Variants in HDAC2 observed in about 807,000 individuals in gnomAD.
HDAC2 encodes YY1-associated factor 1.
Under a neutral mutation model 68.5 loss-of-function variants are expected in HDAC2, and 5 were observed. The ratio of observed to expected loss-of-function variants is 0.07; its 90% confidence interval spans 0.04 to 0.15. HDAC2 has a LOEUF of 0.15. HDAC2 is among the 10% of genes least tolerant of loss of function. The pLI is 1.00. For synonymous variants in HDAC2, 182 were observed against 191.3 expected (o/e 0.95, Z 0.40); for missense variants, 291 against 600.8 (o/e 0.48, Z 5.39).
chr6:113,962,863 C>T (rs1776720563), intron 1 of HDAC2, among the ~76,000 whole-genome samples: 1 of 149,798 alleles, frequency 6.7e-6, no homozygotes, highest in African/African-American at 2.5e-5. Flanking sequence ...GCTCAGGAGG[C>T]TGAGGCAGGA....
At chr6:113,950,492 A>G (rs1236114393) in intron 6 of HDAC2, among the ~76,000 whole-genome samples, 1 of 151,792 alleles carries the variant, frequency 6.6e-6, no homozygotes, top group Non-Finnish European at 1.5e-5. Flanking sequence ...TCCTAGGTTC[A>G]AACAATTCTC....
In HDAC2 at chr6:113,940,877, A is replaced by G. The variant is rs1182896574; in HGVS notation, c.*181T>C. The G allele has an allele frequency of 8.3e-6, 4 of 480,284 alleles. No individual in the cohort carries two copies. Among genetic ancestry groups the G allele is most frequent in the Non-Finnish European group, 1.5e-5 (4 of 273,462 alleles). 29.8% of individuals were successfully genotyped at this position (480,284 alleles called of 1,614,324 possible). A position where few individuals can be genotyped will look rare whatever the true frequency, so the allele number is the denominator to read the frequency against. ...TGGTGGAGAAAAGAAATTTTGCTTCATAATTAGAAAAACTCACAATAAAAC... is the reference window on the plus strand; with the variant it reads ...TGGTGGAGAAAAGAAATTTTGCTTCGTAATTAGAAAAACTCACAATAAAAC... On this transcript the variant is annotated 3_prime_UTR_variant, in exon 14 of 14. Transcript: ENST00000519065.
At chr6:113,941,376 C>T (rs559268421) in intron 13 of HDAC2, among the ~76,000 whole-genome samples, 14 of 152,104 alleles carry the variant, frequency 9.2e-5, no homozygotes, top group African/African-American at 3.4e-4. Flanking sequence ...CTTAAATTTA[C>T]CTATCTCACA....
chr6:113,959,377 T>C (rs1776627491), intron 2 of HDAC2, among the ~76,000 whole-genome samples: 1 of 152,080 alleles, frequency 6.6e-6, no homozygotes, highest in South Asian at 2.1e-4. Flanking sequence ...CTAATTGTCG[T>C]GTCTGTATTT....
intron 8 of HDAC2, chr6:113,947,981 C>A (rs1776302759): frequency 6.6e-6 from 1 of 152,250 alleles, no homozygotes; most frequent in African/African-American, 2.4e-5. Context: ...AAAAAAACCT[C>A]TAAAATCATA....
chr6:113,954,448 T>TA (rs1310168991), intron 5 of HDAC2, among the ~76,000 whole-genome samples: 2 of 152,174 alleles, frequency 1.3e-5, no homozygotes, highest in African/African-American at 4.8e-5. Flanking sequence ...GCTCACGTGT[T>TA]AGATAAGCAA....
chr6:113,946,641 A>AAG (rs1776269788), intron 8 of HDAC2: 1 of 152,122 alleles, frequency 6.6e-6, no homozygotes, highest in African/African-American at 2.4e-5. Flanking sequence ...TTCCTAACTT[A>AAG]AGAGTTAAAA....
Position 113,934,442 on chromosome 6 carries a change from A to C in HDAC2, c.*6616T>G, listed in dbSNP as rs1476549876. On this transcript the variant is annotated 3_prime_UTR_variant, in exon 14 of 14. Coordinates refer to ENST00000519065, the MANE Select transcript of HDAC2 (RefSeq NM_001527.4). ...GGCTGGTGCTAGACCCATATATGTG[A>C]TTTCCAGTGCATTGTTCTTTACTTG... 4 of 152,202 alleles carry C rather than the reference A, an allele frequency of 2.6e-5. No individual in the cohort carries two copies. The highest frequency in any genetic ancestry group is 2.6e-4 in the Admixed American group (4 of 15,282). 9.4% of individuals were successfully genotyped at this position (152,202 alleles called of 1,614,324 possible). A position where few individuals can be genotyped will look rare whatever the true frequency, so the allele number is the denominator to read the frequency against.
rs768349620 is a variant in HDAC2 at position 113,958,712 on chromosome 6, T to C, written c.220A>G (p.Ile74Val). The C allele has an allele frequency of 1.9e-6, 3 of 1,610,342 alleles. No homozygotes were observed. The highest frequency in any genetic ancestry group is 2.5e-6 in the Non-Finnish European group (3 of 1,177,432). ...EMTKYHSDEY[I>V]KFLRSIRPDN... Reference sequence around the variant, plus strand: ...GGTCTTATTGACCGTAGAAATTTGATATACTCATCACTGTGATATTTTGTC... The same window carrying C: ...GGTCTTATTGACCGTAGAAATTTGACATACTCATCACTGTGATATTTTGTC... Residue 74 changes from isoleucine to valine, a missense_variant, in exon 3 of 14, where the codon ATC becomes GTC. Ile to Val is a conservative substitution (Grantham distance 29). Around this residue, in one of 2 missense-constraint regions of HDAC2, gnomAD observed 154 missense variants for 472.1 expected, o/e 0.33. Transcript: ENST00000519065.
At chr6:113,966,030 A>G (rs941557077) in intron 1 of HDAC2, among the ~76,000 whole-genome samples, 13 of 152,190 alleles carry the variant, frequency 8.5e-5, no homozygotes, top group Non-Finnish European at 1.9e-4. Flanking sequence ...AACACTTTGA[A>G]AAGGAAAAAA....
chr6:113,950,505 G>A (rs946183739), intron 6 of HDAC2, among the ~76,000 whole-genome samples: 1 of 151,740 alleles, frequency 6.6e-6, no homozygotes, highest in Non-Finnish European at 1.5e-5. Flanking sequence ...CAATTCTCCT[G>A]TCTCGGCCTC....
chr6:113,954,261 T>C (rs1378904795), intron 5 of HDAC2, among the ~76,000 whole-genome samples: 1 of 152,222 alleles, frequency 6.6e-6, no homozygotes, highest in African/African-American at 2.4e-5. Flanking sequence ...ATTTATTATA[T>C]AATGGTGCCA....
In HDAC2 at chr6:113,938,735, T is replaced by G. The variant is rs1776061565; in HGVS notation, c.*2323A>C. 6.6e-6 allele frequency: 1 copy of G among 152,218 alleles called. No homozygotes were observed. The highest frequency in any genetic ancestry group is 2.4e-5 in the African/African-American group (1 of 41,462). The allele number at this position is 152,218 out of a possible 1,614,324, so 9.4% of individuals were successfully genotyped here. A position where few individuals can be genotyped will look rare whatever the true frequency, so the allele number is the denominator to read the frequency against. On this transcript the variant is annotated 3_prime_UTR_variant, in exon 14 of 14. Transcript: ENST00000519065. ...CCTTACTAGACACAAGAACCATAGC[T>G]TCTTTACATATTATTTCTAAAAATT...
rs1776561446 is a variant in HDAC2 at position 113,956,652 on chromosome 6, CAA to C, written c.323_324del (p.Phe108Ter). The part of the protein sequence containing the change: ...GEDCPVFDGL[F>X]EFCQLSTGGS... ...CCGCCAGTTGAGAGCTGACAAAACT[CAA>C]AGAGTCCATCAAACACTGGACAATC... On this transcript the variant is annotated frameshift_variant, in exon 4 of 14. Coordinates refer to ENST00000519065, the MANE Select transcript of HDAC2 (RefSeq NM_001527.4). LOFTEE classifies it high-confidence loss of function. 3 of 1,613,332 alleles carry C rather than the reference CAA, an allele frequency of 1.9e-6. No homozygotes were observed. The highest frequency in any genetic ancestry group is 2.5e-6 in the Non-Finnish European group (3 of 1,179,410).
At position 113,958,882 on chromosome 6, in the gene HDAC2, CAA is replaced by C. The variant is rs911764984; in HGVS notation, c.166-118_166-117del. On this transcript the variant is annotated intron_variant, in intron 2 of 13. Transcript: ENST00000519065. ...CTCAAAAGAACCAAGTCTACCAGAA[CAA>C]AATATATAAATTCCAAAACTAACCC... The C allele has an allele frequency of 1.3e-4, 93 of 717,434 alleles. No individual in the cohort carries two copies. In the African/African-American group the frequency reaches 1.5e-3, roughly 12 times the overall value. 44.4% of individuals were successfully genotyped at this position (717,434 alleles called of 1,614,324 possible).
At chr6:113,946,365 AT>A in intron 8 of HDAC2, 1 of 365,472 alleles carries the variant, frequency 2.7e-6, no homozygotes, top group Admixed American at 4.3e-5. Flanking sequence ...ATAACTAGCT[AT>A]TTTAGCAGGT....
At chr6:113,944,552 T>C in intron 10 of HDAC2, 142 bp from the exon 11 acceptor site, 1 of 669,988 alleles carries the variant, frequency 1.5e-6, no homozygotes, top group East Asian at 2.8e-5. Context: ...TTGCCCAGAC[T>C]AGAGTGCAGT....
rs184048281 is a variant in HDAC2, at chr6:113,953,434, T to C, written c.498-16A>G. On this transcript the variant is annotated splice_polypyrimidine_tract_variant and intron_variant, in intron 5 of 13. Coordinates refer to ENST00000519065, the MANE Select transcript of HDAC2 (RefSeq NM_001527.4). ...CTGATGATACCTGAAAACAAATCCA[T>C]AAGTTTTGGTTTTTCCTTTAAAGGT... is the stretch of plus-strand genomic sequence containing the variant. The C allele has an allele frequency of 1.1e-4, 174 of 1,524,670 alleles. 1 individual carries two copies. The East Asian group carries it at 3.8e-3, about 34-fold the overall frequency. 94.4% of individuals were successfully genotyped at this position (1,524,670 alleles called of 1,614,324 possible).
chr6:113,951,349 C>T (rs1776409749), intron 6 of HDAC2, among the ~76,000 whole-genome samples: 1 of 152,126 alleles, frequency 6.6e-6, no homozygotes, highest in Non-Finnish European at 1.5e-5. Context: ...GTGAATTACA[C>T]AGAAAGTCCA....
Sources: allele counts gnomAD v4.1 joint callset (sites outside exome capture counted in the v4.1 genomes callset), GRCh38; gene constraint gnomAD v4.1.1; regional missense constraint gnomAD v4.1.1; transcripts MANE v1.5; gene names NCBI Gene and HGNC (gene_info 2026-07-23, HGNC 2026-07-21).